Variants in SORCS2 observed in about 807,000 individuals in gnomAD.
The protein encoded by SORCS2 is sortilin related VPS10 domain containing receptor 2.
A neutral mutation model predicts 141.6 loss-of-function variants in SORCS2; 100 were observed. The observed-to-expected ratio is 0.71, with a 90% CI of 0.60 to 0.83. The LOEUF (loss-of-function observed/expected upper bound fraction) is 0.83. SORCS2 is among the 40% of genes least tolerant of loss of function. SORCS2 has a pLI of 0.00. For missense variants in SORCS2, 1,646 were observed against 1,560.2 expected, an observed-to-expected ratio of 1.05 and a Z score of -0.93; for synonymous variants, 789 against 676.9, an observed-to-expected ratio of 1.17 and a Z score of -2.57.
chr4:7,714,174 G>A, intron 15 of SORCS2, 66 bp from the exon 16 acceptor site: 7 of 1,545,264 alleles, frequency 4.5e-6, no homozygotes, highest in Admixed American at 1.9e-5. Flanking sequence ...AGCCTCAGCG[G>A]CACAAGGCCT....
At chr4:7,481,115 T>G (rs1217910199) in intron 2 of SORCS2, among the ~76,000 whole-genome samples, 1 of 152,220 alleles carries the variant, frequency 6.6e-6, no homozygotes, top group East Asian at 1.9e-4. Context: ...GAGGGCCCTG[T>G]GAGCCAAGCC....
At chr4:7,418,992 G>A (rs1192099645) in intron 2 of SORCS2, among the ~76,000 whole-genome samples, 2 of 152,204 alleles carry the variant, frequency 1.3e-5, no homozygotes, top group South Asian at 2.1e-4. Flanking sequence ...AAGAAAGAAC[G>A]GCAGCACATA....
chr4:7,722,123 C>T (rs568429666), intron 18 of SORCS2, among the ~76,000 whole-genome samples: 21 of 152,318 alleles, frequency 1.4e-4, no homozygotes, highest in African/African-American at 4.6e-4. Context: ...CAGCGCAGCC[C>T]TTGAAGGCAG....
At chr4:7,608,724 G>A (rs890719337) in intron 3 of SORCS2, among the ~76,000 whole-genome samples, 4 of 152,146 alleles carry the variant, frequency 2.6e-5, no homozygotes, top group Non-Finnish European at 4.4e-5. Flanking sequence ...GCTGCCCTCC[G>A]GTCATGCCCA....
chr4:7,590,868 G>A (rs1265986044), intron 3 of SORCS2, among the ~76,000 whole-genome samples: 3 of 152,196 alleles, frequency 2.0e-5, no homozygotes, highest in Admixed American at 6.5e-5. Flanking sequence ...CTGAGGTTGT[G>A]GTTATTTGTT....
chr4:7,597,464 C>T (rs919939751), intron 3 of SORCS2, among the ~76,000 whole-genome samples: 2 of 117,754 alleles, frequency 1.7e-5, no homozygotes, highest in African/African-American at 3.4e-5. Context: ...GGGAAGAGGA[C>T]TATCGCAATA....
At chr4:7,204,032 G>T (rs1451508740) in intron 1 of SORCS2, among the ~76,000 whole-genome samples, 3 of 152,064 alleles carry the variant, frequency 2.0e-5, no homozygotes, top group Admixed American at 6.6e-5. Context: ...CCACTGTATG[G>T]ACACCACACA....
At chr4:7,330,428 C>T (rs969619904) in intron 1 of SORCS2, among the ~76,000 whole-genome samples, 2 of 151,860 alleles carry the variant, frequency 1.3e-5, no homozygotes, top group African/African-American at 4.8e-5. Flanking sequence ...GAGGATGAGT[C>T]TGGTTGAGCT....
intron 11 of SORCS2, among the ~76,000 whole-genome samples, chr4:7,693,785 A>G (rs916914): frequency 0.99 from 151,174 of 152,386 alleles, 74,999 homozygotes; most frequent in Middle Eastern, 1. Flanking sequence ...CCTCCCTAGC[A>G]CAGTCCCTTT....
intron 2 of SORCS2, among the ~76,000 whole-genome samples, chr4:7,410,352 A>G (rs1417643333): frequency 6.6e-6 from 1 of 152,220 alleles, no homozygotes; most frequent in Non-Finnish European, 1.5e-5. Flanking sequence ...CTTACACTGT[A>G]AGGGGAACTC....
At chr4:7,379,589 C>T (rs1009940669) in intron 1 of SORCS2, among the ~76,000 whole-genome samples, 8 of 152,194 alleles carry the variant, frequency 5.3e-5, no homozygotes, top group East Asian at 1.9e-4. Context: ...ACAATAGACA[C>T]GCGGATACTA....
At chr4:7,704,804 C>A (rs778181899) in intron 14 of SORCS2, among the ~76,000 whole-genome samples, 4 of 152,196 alleles carry the variant, frequency 2.6e-5, no homozygotes, top group Non-Finnish European at 4.4e-5. Flanking sequence ...CCGCTGCGGC[C>A]GCAATGGGAG....
chr4:7,666,231 A>T (rs529870632), intron 7 of SORCS2, among the ~76,000 whole-genome samples: 5 of 152,048 alleles, frequency 3.3e-5, no homozygotes, highest in Non-Finnish European at 7.4e-5. Flanking sequence ...AACGACGTCC[A>T]CGTCTGGTCT....
intron 12 of SORCS2, among the ~76,000 whole-genome samples, chr4:7,700,331 C>T (rs1200121187): frequency 1.3e-5 from 2 of 152,236 alleles, no homozygotes; most frequent in Non-Finnish European, 1.5e-5. Flanking sequence ...ACAGGGCCCC[C>T]TCTCTTTGCT....
At chr4:7,561,933 A>T (rs567262479) in intron 3 of SORCS2, among the ~76,000 whole-genome samples, 1 of 152,228 alleles carries the variant, frequency 6.6e-6, no homozygotes, top group South Asian at 2.1e-4. Flanking sequence ...CTATCCATCC[A>T]TCTATCCATC....
chr4:7,673,847 C>A (rs573624642), intron 8 of SORCS2, among the ~76,000 whole-genome samples: 29 of 152,230 alleles, frequency 1.9e-4, no homozygotes, highest in African/African-American at 6.7e-4. Context: ...AATCTCAGTC[C>A]CCCCACCACC....
chr4:7,632,907 G>A (rs2234766), intron 3 of SORCS2, among the ~76,000 whole-genome samples: 39,531 of 151,986 alleles, frequency 0.26, 6,437 homozygotes, highest in East Asian at 0.74. Flanking sequence ...CTATCATAGA[G>A]GGCTTCCTGG....
At chr4:7,542,817 A>G (rs1237405295) in intron 3 of SORCS2, among the ~76,000 whole-genome samples, 1 of 152,242 alleles carries the variant, frequency 6.6e-6, no homozygotes, top group Non-Finnish European at 1.5e-5. Flanking sequence ...TAATTTGCTC[A>G]GGGTGGGTGG....
chr4:7,232,978 G>T (rs1315975126), intron 1 of SORCS2, among the ~76,000 whole-genome samples: 1 of 152,218 alleles, frequency 6.6e-6, no homozygotes, highest in Non-Finnish European at 1.5e-5. Flanking sequence ...GATGGGCGCA[G>T]TGTAGGATGG....
Sources: allele counts gnomAD v4.1 joint callset (sites outside exome capture counted in the v4.1 genomes callset), GRCh38; gene constraint gnomAD v4.1.1; transcripts MANE v1.5; gene names NCBI Gene and HGNC (gene_info 2026-07-23, HGNC 2026-07-21).